The following ZBTB20 variants were observed in gnomAD, a reference collection of about 807,000 sequenced individuals.
ZBTB20 encodes zinc finger and BTB domain-containing protein 20.
In ZBTB20, 9 loss-of-function variants were observed where a neutral mutation model predicts 56.9. That is an observed-to-expected ratio of 0.16 (90% CI 0.10 to 0.28). The LOEUF (loss-of-function observed/expected upper bound fraction) is 0.28, where lower values mean the gene tolerates loss of function less well. Ranked by LOEUF, ZBTB20 falls within the 10% of genes least tolerant of loss-of-function variation. The probability of loss-of-function intolerance (pLI) is 1.00; values close to 1 mark genes in which losing one functional copy is unlikely to be tolerated. For missense variants in ZBTB20, 655 were observed against 1,003.0 expected (o/e 0.65, Z 4.69); for synonymous variants, 417 against 420.7 (o/e 0.99, Z 0.11).
chr3:115,030,774 A>G (rs1416144432), intron 2 of ZBTB20, among the ~76,000 whole-genome samples: 2 of 151,308 alleles, frequency 1.3e-5, no homozygotes, highest in Non-Finnish European at 3.0e-5. Flanking sequence ...AAAAATCTAA[A>G]CATATGTACC....
intron 8 of ZBTB20, among the ~76,000 whole-genome samples, chr3:114,384,928 T>C (rs2084910054): frequency 6.6e-6 from 1 of 152,248 alleles, no homozygotes; most frequent in Non-Finnish European, 1.5e-5. Flanking sequence ...ACACATACAG[T>C]GATGGCAATG....
chr3:114,400,014 G>A (rs568485707), intron 7 of ZBTB20, among the ~76,000 whole-genome samples: 39 of 152,260 alleles, frequency 2.6e-4, no homozygotes, highest in Non-Finnish European at 5.1e-4. Flanking sequence ...AAGCGGGCTA[G>A]CTAATGAGTA....
At chr3:114,501,769 C>T (rs1638385831) in intron 6 of ZBTB20, among the ~76,000 whole-genome samples, 1 of 140,360 alleles carries the variant, frequency 7.1e-6, no homozygotes, top group African/African-American at 2.7e-5. Context: ...AGTGCAGTGG[C>T]ACGATCTTGG....
chr3:114,983,905 C>A (rs910540268), intron 2 of ZBTB20, among the ~76,000 whole-genome samples: 2 of 152,006 alleles, frequency 1.3e-5, no homozygotes, highest in Admixed American at 1.3e-4. Context: ...TTTTTCACAA[C>A]TGCTTCAATA....
intron 4 of ZBTB20, among the ~76,000 whole-genome samples, chr3:114,870,024 C>G (rs2075928667): frequency 6.6e-6 from 1 of 152,140 alleles, no homozygotes; most frequent in African/African-American, 2.4e-5. Context: ...TCCCACACAT[C>G]AATTAAAGCA....
intron 3 of ZBTB20, among the ~76,000 whole-genome samples, chr3:114,965,253 G>C (rs543710551): frequency 1.2e-4 from 19 of 152,160 alleles, no homozygotes; most frequent in African/African-American, 4.6e-4. Context: ...ATATACTTAT[G>C]ATATACAACA....
At chr3:114,531,953 A>G (rs747250290) in intron 6 of ZBTB20, among the ~76,000 whole-genome samples, 2 of 152,200 alleles carry the variant, frequency 1.3e-5, no homozygotes, top group African/African-American at 4.8e-5. Flanking sequence ...GGTGTATTCC[A>G]GCCCAGATAC....
intron 7 of ZBTB20, among the ~76,000 whole-genome samples, chr3:114,498,393 G>C (rs542533643): frequency 8.5e-5 from 13 of 152,316 alleles, no homozygotes; most frequent in Middle Eastern, 3.4e-3. Context: ...GGCCATTGAA[G>C]AGGCACTTGG....
intron 4 of ZBTB20, among the ~76,000 whole-genome samples, chr3:114,866,492 T>G (rs1432949475): frequency 6.6e-6 from 1 of 152,222 alleles, no homozygotes; most frequent in Non-Finnish European, 1.5e-5. Flanking sequence ...ATAGGTCAAC[T>G]TGACTGAGCC....
intron 4 of ZBTB20, among the ~76,000 whole-genome samples, chr3:114,809,853 G>A (rs1201085775): frequency 6.6e-6 from 1 of 152,174 alleles, no homozygotes; most frequent in Non-Finnish European, 1.5e-5. Context: ...GGTTGTTGCT[G>A]TTATTGCTGT....
At chr3:114,391,499 T>C (rs150643391) in intron 7 of ZBTB20, among the ~76,000 whole-genome samples, 1 of 152,344 alleles carries the variant, frequency 6.6e-6, no homozygotes, top group East Asian at 1.9e-4. Flanking sequence ...TCTTAAATAT[T>C]ATTAGCACAT....
chr3:114,513,761 A>G (rs2045668872), intron 6 of ZBTB20, among the ~76,000 whole-genome samples: 1 of 152,106 alleles, frequency 6.6e-6, no homozygotes, highest in Non-Finnish European at 1.5e-5. Flanking sequence ...TACTTTTTCA[A>G]TCTCCTCACT....
At chr3:115,123,239 G>T (rs915737528) in intron 1 of ZBTB20, among the ~76,000 whole-genome samples, 1 of 151,752 alleles carries the variant, frequency 6.6e-6, no homozygotes, top group South Asian at 2.1e-4. Flanking sequence ...TATTTTTGTG[G>T]GCACCTATTT....
intron 3 of ZBTB20, among the ~76,000 whole-genome samples, chr3:114,963,219 C>T (rs1274880059): frequency 6.6e-6 from 1 of 152,086 alleles, no homozygotes; most frequent in African/African-American, 2.4e-5. Context: ...TTTCCACACT[C>T]TCTATAGAGA....
chr3:114,963,273 T>G (rs1408550298), intron 3 of ZBTB20, among the ~76,000 whole-genome samples: 1 of 152,152 alleles, frequency 6.6e-6, no homozygotes, highest in African/African-American at 2.4e-5. Context: ...TAGGTTTAAT[T>G]ATGCTTAATG....
chr3:115,103,616 A>G (rs993729309), intron 1 of ZBTB20, among the ~76,000 whole-genome samples: 7 of 152,244 alleles, frequency 4.6e-5, no homozygotes, highest in African/African-American at 9.6e-5. Flanking sequence ...CAGTATTTCC[A>G]ACAAGTGGTG....
At chr3:114,549,752 CTTTTTTT>C (rs941074719) in intron 6 of ZBTB20, among the ~76,000 whole-genome samples, 3 of 128,976 alleles carry the variant, frequency 2.3e-5, no homozygotes, top group African/African-American at 5.7e-5. Context: ...TGACCTTTTT[CTTTTTTT>C]TTTTTTTTTG....
rs568365744 is a variant in ZBTB20, at chr3:114,553,556, G to A, written c.-294-53165C>T. Among the ~76,000 whole-genome samples the A allele has an allele frequency of 5.9e-5, 9 of 152,174 alleles. 1 individual carries two copies. The highest frequency in any genetic ancestry group is 1.9e-4 in the African/African-American group (8 of 41,536). ...CCTAACTCAGTCTTATTATTAGCCA[G>A]GTCCAGTTTATATTAGTTAAAATGA... is the stretch of plus-strand genomic sequence containing the variant. On this transcript the variant is annotated intron_variant, in intron 6 of 11. Transcript: ENST00000675478.
intron 1 of ZBTB20, among the ~76,000 whole-genome samples, chr3:115,128,138 C>G (rs980847799): frequency 6.6e-6 from 1 of 152,132 alleles, no homozygotes; most frequent in African/African-American, 2.4e-5. Flanking sequence ...GGTCCTACTA[C>G]TCGAGTAACA....
Sources: gnomAD v4.1 joint callset for allele counts (sites outside exome capture counted in the v4.1 genomes callset) on GRCh38, gnomAD v4.1.1 for gene constraint, MANE v1.5 for transcripts, NCBI Gene and HGNC (gene_info 2026-07-23, HGNC 2026-07-21) for gene names.